The following FAM210A variants were observed in gnomAD, a reference collection of about 807,000 sequenced individuals.
FAM210A encodes the protein mitochondrial inner membrane scaffold 1, also known as family with sequence similarity 210 member A.
Under a neutral mutation model 25.3 loss-of-function variants are expected in FAM210A, and 13 were observed. That is an observed-to-expected ratio of 0.51 (90% confidence interval 0.33 to 0.82). FAM210A has a LOEUF of 0.82. Ranked by LOEUF, FAM210A falls within the 40% of genes least tolerant of loss-of-function variation. The pLI, the probability that FAM210A is intolerant of heterozygous loss-of-function variation, is 0.02. For missense variants in FAM210A, 319 were observed against 323.2 expected (o/e 0.99, Z 0.10); for synonymous variants, 125 against 118.7 (o/e 1.05, Z -0.35).
chr18:13,667,200 TTTCCTTTGACTTTTCTAAA>T (rs2043407658), intron 3 of FAM210A, among the ~76,000 whole-genome samples: 1 of 152,234 alleles, frequency 6.6e-6, no homozygotes, highest in African/African-American at 2.4e-5. Context: ...TCCAAATCCC[TTTCCTTTGACTTTTCTAAA>T]CCTATGCTAC....
chr18:13,717,425 G>A (rs947807319), intron 1 of FAM210A, among the ~76,000 whole-genome samples: 1 of 151,580 alleles, frequency 6.6e-6, no homozygotes, highest in Admixed American at 6.6e-5. Context: ...TTACAGGTGT[G>A]ACCCACTGTG....
In FAM210A at chr18:13,671,987, A is replaced by G. The variant is rs2043447276; in HGVS notation, c.474-14T>C. 3 of 1,564,930 alleles carry G rather than the reference A, an allele frequency of 1.9e-6. No homozygotes were observed. Among genetic ancestry groups the G allele is most frequent in the African/African-American group, 2.7e-5 (2 of 73,328 alleles). On this transcript the variant is annotated splice_polypyrimidine_tract_variant and intron_variant, in intron 2 of 3. Coordinates refer to ENST00000651643, the MANE Select transcript of FAM210A (RefSeq NM_152352.4). ...ACATTCACTCCTCTACAAAAAAAAA[A>G]AAGTAATTTTCATATGTACAAACTT...
At chr18:13,673,600 G>C (rs1477335041) in intron 2 of FAM210A, among the ~76,000 whole-genome samples, 20 of 131,596 alleles carry the variant, frequency 1.5e-4, no homozygotes, top group African/African-American at 2.7e-4. Context: ...TTCCTGAGCC[G>C]TGACTTATTT....
intron 1 of FAM210A, among the ~76,000 whole-genome samples, chr18:13,700,371 T>C (rs1197255097): frequency 6.6e-6 from 1 of 152,182 alleles, no homozygotes; most frequent in Non-Finnish European, 1.5e-5. Context: ...GAGAGTCACA[T>C]AGCATGCTGA....
chr18:13,712,062 CA>C (rs905987605), intron 1 of FAM210A, among the ~76,000 whole-genome samples: 6 of 151,678 alleles, frequency 4.0e-5, no homozygotes, highest in South Asian at 2.1e-4. Flanking sequence ...ATGAAAATGA[CA>C]AAAAAAAGTT....
At chr18:13,681,339 A>T (rs2043551530) in intron 2 of FAM210A, among the ~76,000 whole-genome samples, 2 of 152,140 alleles carry the variant, frequency 1.3e-5, no homozygotes, top group Admixed American at 1.3e-4. Context: ...CTGTTTTCTC[A>T]TTCATAAAAT....
intron 1 of FAM210A, among the ~76,000 whole-genome samples, chr18:13,704,635 A>G (rs1317298568): frequency 6.6e-6 from 1 of 152,214 alleles, no homozygotes; most frequent in African/African-American, 2.4e-5. Flanking sequence ...AGCATCCAAA[A>G]GAGAGGTAAG....
chr18:13,704,245 A>G (rs1466718473), intron 1 of FAM210A, among the ~76,000 whole-genome samples: 1 of 152,212 alleles, frequency 6.6e-6, no homozygotes, highest in Non-Finnish European at 1.5e-5. Flanking sequence ...TTTTGCCTAG[A>G]GGGTGAAGGG....
At chr18:13,708,765 A>C (rs896461775) in intron 1 of FAM210A, among the ~76,000 whole-genome samples, 30 of 152,184 alleles carry the variant, frequency 2.0e-4, no homozygotes, top group African/African-American at 7.2e-4. Flanking sequence ...ACTTTTAGCT[A>C]CCAGCCTCCA....
intron 1 of FAM210A, among the ~76,000 whole-genome samples, chr18:13,698,367 A>AAT (rs1210777986): frequency 6.6e-6 from 1 of 151,512 alleles, no homozygotes; most frequent in South Asian, 2.1e-4. Context: ...AAAAAAAAAA[A>AAT]AAAAATAAGA....
At chr18:13,722,880 G>C (rs2043908258) in intron 1 of FAM210A, among the ~76,000 whole-genome samples, 1 of 147,978 alleles carries the variant, frequency 6.8e-6, no homozygotes, top group Admixed American at 6.8e-5. Flanking sequence ...GTCTCACTCT[G>C]TCACTCAGGT....
At chr18:13,694,531 G>A (rs1041177005) in intron 1 of FAM210A, among the ~76,000 whole-genome samples, 1 of 152,164 alleles carries the variant, frequency 6.6e-6, no homozygotes, top group Non-Finnish European at 1.5e-5. Context: ...ATTGACCAAT[G>A]GAACAGAATA....
At chr18:13,672,030 A>C (rs2043447715) in intron 2 of FAM210A, 57 bp from the exon 3 acceptor site, 1 of 1,253,878 alleles carries the variant, frequency 8.0e-7, no homozygotes, top group Non-Finnish European at 1.1e-6. Flanking sequence ...TATTTTCAAA[A>C]ATTATCTGAA....
intron 1 of FAM210A, among the ~76,000 whole-genome samples, chr18:13,720,216 A>T (rs905793713): frequency 1.3e-5 from 2 of 152,180 alleles, no homozygotes; most frequent in Non-Finnish European, 2.9e-5. Context: ...TAGGGCCTGC[A>T]AAAGGTTCCT....
intron 1 of FAM210A, among the ~76,000 whole-genome samples, chr18:13,700,000 AAGG>A (rs2043726108): frequency 6.6e-6 from 1 of 152,224 alleles, no homozygotes; most frequent in Non-Finnish European, 1.5e-5. Context: ...ACTAAATGTG[AAGG>A]AGTTTTCTCC....
chr18:13,725,333 T>A (rs2043931491), intron 1 of FAM210A, among the ~76,000 whole-genome samples: 1 of 152,216 alleles, frequency 6.6e-6, no homozygotes, highest in Non-Finnish European at 1.5e-5. Context: ...AATTGATGGG[T>A]CATCCTTATT....
At position 13,704,871 on chromosome 18, in the gene FAM210A, A is replaced by G. The variant is rs549530390; in HGVS notation, c.-29+21458T>C. On this transcript the variant is annotated intron_variant, in intron 1 of 3. Transcript: ENST00000651643. ...TTCCTTGTCATCTGTGTCTTTAACT[A>G]TAACTATTTAAAGTCATTTCCAGTT... 4.6e-5 allele frequency among the ~76,000 whole-genome samples: 7 copies of G among 152,316 alleles called. No individual in the cohort carries two copies. The East Asian group carries it at 1.2e-3, about 25-fold the overall frequency.
At chr18:13,719,074 A>T (rs1447010739) in intron 1 of FAM210A, among the ~76,000 whole-genome samples, 1 of 152,260 alleles carries the variant, frequency 6.6e-6, no homozygotes, top group African/African-American at 2.4e-5. Context: ...TTAGAACTTG[A>T]CATAGGTCTG....
At chr18:13,682,442 C>CT (rs1329990307) in intron 1 of FAM210A, among the ~76,000 whole-genome samples, 1 of 151,966 alleles carries the variant, frequency 6.6e-6, no homozygotes, top group Non-Finnish European at 1.5e-5. Context: ...GTGGTGGGCA[C>CT]CTGTAATTCC....
Sources: gnomAD v4.1 joint callset for allele counts (sites outside exome capture counted in the v4.1 genomes callset) on GRCh38, gnomAD v4.1.1 for gene constraint, MANE v1.5 for transcripts, NCBI Gene and HGNC (gene_info 2026-07-23, HGNC 2026-07-21) for gene names.